Variants in CSMD2 observed in about 807,000 individuals in gnomAD.
The protein encoded by CSMD2 is CUB and Sushi multiple domains 2.
CSMD2 carries 130 observed loss-of-function variants against 398.5 expected under a neutral mutation model. That is an observed-to-expected ratio of 0.33 (90% CI 0.28 to 0.38). The LOEUF (loss-of-function observed/expected upper bound fraction) is 0.38. Among genes scored for constraint, CSMD2 ranks in the 10% least tolerant of loss-of-function variants. The pLI is 1.00. For missense variants in CSMD2, 3,829 were observed against 4,764.9 expected (o/e 0.80, Z 5.78); for synonymous variants, 1,828 against 1,908.5 (o/e 0.96, Z 1.10).
intron 5 of CSMD2, among the ~76,000 whole-genome samples, chr1:33,871,628 T>C (rs998360499): frequency 1.3e-5 from 2 of 152,264 alleles, no homozygotes. Context: ...TCTTTTGTTT[T>C]GTTTTTGAGA....
At chr1:33,809,344 C>A (rs762910824) in intron 10 of CSMD2, among the ~76,000 whole-genome samples, 1 of 151,778 alleles carries the variant, frequency 6.6e-6, no homozygotes, top group Non-Finnish European at 1.5e-5. Context: ...CTTAAGAATG[C>A]AAGGTTGGTT....
Position 33,523,332 on chromosome 1 carries a change from T to A in CSMD2, c.10484A>T (p.Asp3495Val), listed in dbSNP as rs769971240. ...ATGGCCATCTAAAGCCCAGTGATCA[T>A]CTTTGAACTTATTCATAAAGATCTC... ...PVEIFMNKFKDDHWALDGHVS... is the reference protein window; with the variant it reads ...PVEIFMNKFKVDHWALDGHVS... The change falls in exon 67 of 71, where the codon GAT (aspartate) becomes GTT (valine). Residue 3495 changes from aspartate (D) to valine (V), a missense_variant. By Grantham distance (152) the Asp-to-Val change is radical (BLOSUM62 -3). This residue lies in a region of CSMD2 where 917 missense variants were observed against 1,199.5 expected (regional missense o/e 0.76). Coordinates refer to ENST00000373381, the MANE Select transcript of CSMD2 (RefSeq NM_001281956.2). The A allele has an allele frequency of 1.3e-6, 2 of 1,581,582 alleles. No homozygotes were observed. Among genetic ancestry groups the A allele is most frequent in the Non-Finnish European group, 1.7e-6 (2 of 1,150,580 alleles).
rs371588479 is a variant in CSMD2, at chr1:33,624,681, C to T, written c.5501-38G>A. ...GCCATCGGGTCAGAGGCTTTGTGGC[C>T]TCCCGTGGGAGCCTTCCCAAGCTGA... is the stretch of plus-strand genomic sequence containing the variant. On this transcript the variant is annotated intron_variant, in intron 34 of 70. Transcript: ENST00000373381. This position sits in a 1 kb window ranked among gnomAD's most constrained non-coding sequence, Gnocchi z 4.7. The T allele has an allele frequency of 6.3e-7, 1 of 1,593,648 alleles. No individual in the cohort carries two copies. Among genetic ancestry groups the T allele is most frequent in the Non-Finnish European group, 8.6e-7 (1 of 1,165,408 alleles).
At chr1:33,581,283 A>G (rs1638681213) in intron 47 of CSMD2, among the ~76,000 whole-genome samples, 1 of 146,136 alleles carries the variant, frequency 6.8e-6, no homozygotes, top group Admixed American at 6.9e-5. Flanking sequence ...GCATTTTGGG[A>G]AGGTGAGGCA....
chr1:33,518,392 T>G lies in CSMD2; in HGVS notation c.*53+1073A>C, dbSNP rs971303567. On this transcript the variant is annotated intron_variant, in intron 70 of 70. Coordinates refer to ENST00000373381, the MANE Select transcript of CSMD2 (RefSeq NM_001281956.2). This position sits in a 1 kb window ranked among gnomAD's most constrained non-coding sequence, Gnocchi z 4.3. Reference sequence around the variant, plus strand: ...ATGCCTGTGTGCATGTATGCGTATGTGTGTGTGTGTGTGTGCATGACCGTG... The same window carrying G: ...ATGCCTGTGTGCATGTATGCGTATGGGTGTGTGTGTGTGTGCATGACCGTG... Among the ~76,000 whole-genome samples the G allele has an allele frequency of 2.2e-4, 3 of 13,468 alleles. No homozygotes were observed. The highest frequency in any genetic ancestry group is 1.1e-3 in the Admixed American group (3 of 2,722). The allele number at this position is 13,468 out of a possible 152,430, so 8.8% of individuals were successfully genotyped here.
At position 33,658,014 on chromosome 1, in the gene CSMD2, C is replaced by T. The variant is rs770726303; in HGVS notation, c.4379G>A (p.Ser1460Asn). The stretch of plus-strand genomic sequence containing the variant: ...GATCTTCACACAGCTGATCTCTGCA[C>T]TTCCCTGCAGCGCGTAGCCAGGGTC... ...QCDPGYALQGSAEISCVKIEN... is the reference protein window; with the variant it reads ...QCDPGYALQGNAEISCVKIEN... Residue 1460 changes from serine (S) to asparagine (N), a missense_variant, in exon 27 of 71, where the codon AGT becomes AAT. Around this residue, in one of 5 missense-constraint regions of CSMD2, gnomAD observed 2,001 missense variants for 2,567.1 expected, o/e 0.78. Coordinates refer to ENST00000373381, the MANE Select transcript of CSMD2 (RefSeq NM_001281956.2). 27 of 1,614,252 alleles carry T rather than the reference C, an allele frequency of 1.7e-5. No individual in the cohort carries two copies. The highest frequency in any genetic ancestry group is 2.3e-5 in the Non-Finnish European group (27 of 1,180,046).
Position 33,724,565 on chromosome 1 carries a change from C to T in CSMD2, c.2835G>A (p.Leu945=). The T allele has an allele frequency of 1.2e-6, 2 of 1,614,252 alleles. No individual in the cohort carries two copies. The highest frequency in any genetic ancestry group is 2.2e-5 in the South Asian group (2 of 91,080). The change falls in exon 18 of 71, where the codon CTG becomes CTA. Residue 945 remains leucine (L), a synonymous_variant. Transcript: ENST00000373381. ...SGYTLSDGEP[L]ECEPNFQWSR... ...TCCACTGGAAGTTGGGCTCACACTC[C>T]AGAGGCTCCCCGTCACTTAATGTGT...
At chr1:33,597,895 A>C (rs1047425219) in intron 44 of CSMD2, among the ~76,000 whole-genome samples, 1 of 152,268 alleles carries the variant, frequency 6.6e-6, no homozygotes, top group African/African-American at 2.4e-5. Context: ...CAGCATTGAA[A>C]AATGAGTTAA....
intron 4 of CSMD2, among the ~76,000 whole-genome samples, chr1:33,925,746 G>A (rs1361309493): frequency 2.0e-5 from 3 of 152,088 alleles, no homozygotes; most frequent in Non-Finnish European, 4.4e-5. Flanking sequence ...AGGATAAAGT[G>A]GAATACCCGA....
chr1:33,986,245 C>T (rs1646355030), intron 3 of CSMD2, among the ~76,000 whole-genome samples: 1 of 152,216 alleles, frequency 6.6e-6, no homozygotes, highest in South Asian at 2.1e-4. Context: ...GCCCTTGCAG[C>T]AACACCCTCC....
intron 13 of CSMD2, among the ~76,000 whole-genome samples, chr1:33,763,353 T>C (rs1489416513): frequency 6.6e-6 from 1 of 152,182 alleles, no homozygotes; most frequent in Non-Finnish European, 1.5e-5. Context: ...AGGAGTTTTT[T>C]AGAACTACAA....
chr1:33,753,435 C>G (rs1648541318), intron 13 of CSMD2, among the ~76,000 whole-genome samples: 1 of 152,216 alleles, frequency 6.6e-6, no homozygotes, highest in Non-Finnish European at 1.5e-5. Context: ...TAAGCCTTAG[C>G]AGCTTTCATG....
chr1:33,760,493 C>A (rs1325994808), intron 13 of CSMD2, among the ~76,000 whole-genome samples: 3 of 152,186 alleles, frequency 2.0e-5, no homozygotes, highest in South Asian at 2.1e-4. Context: ...CGTAGCCAGA[C>A]CAAGCCACCA....
At chr1:33,996,785 C>A (rs778011955) in intron 3 of CSMD2, among the ~76,000 whole-genome samples, 1 of 129,058 alleles carries the variant, frequency 7.7e-6, no homozygotes, top group East Asian at 2.6e-4. Flanking sequence ...GAGAAAAGGG[C>A]GGGAGGAAGA....
chr1:33,531,543 T>A (rs1189227619), intron 64 of CSMD2, among the ~76,000 whole-genome samples: 1 of 152,162 alleles, frequency 6.6e-6, no homozygotes, highest in African/African-American at 2.4e-5. Context: ...TTATTTGTAA[T>A]AGCCAAAAAG....
intron 6 of CSMD2, among the ~76,000 whole-genome samples, chr1:33,832,348 A>G (rs1353838860): frequency 2.0e-5 from 3 of 151,492 alleles, no homozygotes; most frequent in Non-Finnish European, 2.9e-5. Flanking sequence ...AGAACTCAGG[A>G]TTCAGAAACG....
intron 29 of CSMD2, among the ~76,000 whole-genome samples, chr1:33,641,438 T>C (rs767253186): frequency 1.3e-5 from 2 of 152,214 alleles, no homozygotes; most frequent in Non-Finnish European, 2.9e-5. Context: ...ACTGGTTCTG[T>C]TGATATCCGT....
chr1:34,061,137 G>C (rs1432970605), intron 2 of CSMD2, among the ~76,000 whole-genome samples: 1 of 152,194 alleles, frequency 6.6e-6, no homozygotes, highest in Non-Finnish European at 1.5e-5. Context: ...CTGCAATGGG[G>C]AGAGGGGGGC....
At chr1:34,029,170 G>T (rs1650092894) in intron 3 of CSMD2, among the ~76,000 whole-genome samples, 1 of 152,158 alleles carries the variant, frequency 6.6e-6, no homozygotes, top group Non-Finnish European at 1.5e-5. Flanking sequence ...GGCTGGAAGT[G>T]GGGGCCTCTT....
Sources: gnomAD v4.1 joint callset for allele counts (sites outside exome capture counted in the v4.1 genomes callset) on GRCh38, gnomAD v4.1.1 for gene constraint, gnomAD v4.1.1 regional missense constraint, Gnocchi (gnomAD v3.1) non-coding constraint, MANE v1.5 for transcripts, NCBI Gene and HGNC (gene_info 2026-07-23, HGNC 2026-07-21) for gene names.